The following TRAF3IP3 variants were observed in gnomAD, a reference collection of about 807,000 sequenced individuals.
The protein encoded by TRAF3IP3 is TRAF3-interacting JNK-activating modulator.
In TRAF3IP3, 64 loss-of-function variants were observed where a neutral mutation model predicts 86.5. That is an observed-to-expected ratio of 0.74 (90% CI 0.60 to 0.91). TRAF3IP3 has a LOEUF of 0.91. Among genes scored for constraint, TRAF3IP3 ranks in the 40% least tolerant of loss-of-function variants. The pLI, the probability that TRAF3IP3 is intolerant of heterozygous loss-of-function variation, is 0.00. For missense variants in TRAF3IP3, 579 were observed against 642.9 expected, an observed-to-expected ratio of 0.90 and a Z score of 1.07; for synonymous variants, 220 against 243.9, an observed-to-expected ratio of 0.90 and a Z score of 0.91.
At chr1:209,760,437 A>G in intron 3 of TRAF3IP3, 53 bp downstream of exon 3, 2 of 1,459,518 alleles carry the variant, frequency 1.4e-6, no homozygotes, top group South Asian at 1.3e-5. Flanking sequence ...CTCTCTGGAC[A>G]AGGAGGGTGG....
chr1:209,768,544 A>T, intron 8 of TRAF3IP3: 1 of 985,582 alleles, frequency 1.0e-6, no homozygotes, highest in Non-Finnish European at 1.2e-6. Context: ...ACTAGAGCAG[A>T]GAGATGAGCT....
At chr1:209,761,784 A>G (rs1424875053) in intron 3 of TRAF3IP3, among the ~76,000 whole-genome samples, 1 of 152,238 alleles carries the variant, frequency 6.6e-6, no homozygotes, top group South Asian at 2.1e-4. Flanking sequence ...TGGGATCTGA[A>G]CCCAGATCCC....
At chr1:209,762,699 A>C in intron 4 of TRAF3IP3, 37 bp downstream of exon 4, 1 of 1,230,390 alleles carries the variant, frequency 8.1e-7, no homozygotes, top group East Asian at 3.1e-5. Flanking sequence ...CAGGGCCTGC[A>C]GAGAATCCTG....
At chr1:209,758,113 G>A (rs945303342) in intron 1 of TRAF3IP3, among the ~76,000 whole-genome samples, 1 of 152,092 alleles carries the variant, frequency 6.6e-6, no homozygotes, top group African/African-American at 2.4e-5. Context: ...ATAATCCTGC[G>A]TCTCCTCCAT....
chr1:209,777,882 T>G (rs1376458152), intron 12 of TRAF3IP3: 4 of 587,554 alleles, frequency 6.8e-6, no homozygotes, highest in Non-Finnish European at 1.2e-5. Flanking sequence ...GACTAGATAG[T>G]GTGTAAACAC....
At chr1:209,763,773 G>A (rs1376864229) in intron 8 of TRAF3IP3, among the ~76,000 whole-genome samples, 186 bp downstream of exon 8, 1 of 152,116 alleles carries the variant, frequency 6.6e-6, no homozygotes, top group Non-Finnish European at 1.5e-5. Flanking sequence ...ATAAATATAT[G>A]GGTCATCACC....
At chr1:209,777,934 G>A (rs988639197) in intron 12 of TRAF3IP3, 177 bp from the exon 13 acceptor site, 1 of 615,090 alleles carries the variant, frequency 1.6e-6, no homozygotes, top group African/African-American at 1.9e-5. Context: ...ACAAAAACCT[G>A]AGGTACTTGG....
At chr1:209,779,764 A>T in intron 14 of TRAF3IP3, 2 of 512,240 alleles carry the variant, frequency 3.9e-6, no homozygotes, top group Non-Finnish European at 3.5e-6. Context: ...TAGAGAGTCT[A>T]CTGTCCATGT....
Position 209,775,356 on chromosome 1 carries a change from C to A in TRAF3IP3, c.782C>A (p.Ser261Tyr), listed in dbSNP as rs755767725. ...NQLYTCTQKY[S>Y]PWGMKKVLLE... ...ATTGCATCAAATTTACAGAAATACT[C>A]CCCTTGGGGAATGAAAAAAGTACTA... is the stretch of plus-strand genomic sequence containing the variant. Residue 261 changes from serine to tyrosine, a missense_variant, in exon 10 of 17, where the codon TCC becomes TAC. Transcript: ENST00000367025. 32 of 1,611,698 alleles carry A rather than the reference C, an allele frequency of 2.0e-5. No homozygotes were observed. The highest frequency in any genetic ancestry group is 2.7e-5 in the Non-Finnish European group (32 of 1,178,778).
intron 1 of TRAF3IP3, among the ~76,000 whole-genome samples, chr1:209,758,174 T>A (rs2077185596): frequency 6.6e-6 from 1 of 152,132 alleles, no homozygotes; most frequent in Non-Finnish European, 1.5e-5. Context: ...TTCTTTTAAG[T>A]CTTTAAATAA....
intron 8 of TRAF3IP3, among the ~76,000 whole-genome samples, chr1:209,770,691 G>GTGC: frequency 7.0e-6 from 1 of 143,704 alleles, no homozygotes; most frequent in African/African-American, 2.6e-5. Context: ...GTGTGTGTGT[G>GTGC]CATGTGGAGG....
chr1:209,770,054 G>A (rs1450608309), intron 8 of TRAF3IP3, among the ~76,000 whole-genome samples: 3 of 152,180 alleles, frequency 2.0e-5, no homozygotes, highest in Non-Finnish European at 4.4e-5. Context: ...CTACTAAGCT[G>A]AAATACTGAA....
chr1:209,765,815 G>A (rs2077346792), intron 8 of TRAF3IP3, among the ~76,000 whole-genome samples: 2 of 152,108 alleles, frequency 1.3e-5, no homozygotes, highest in African/African-American at 2.4e-5. Flanking sequence ...CAATCTATTG[G>A]TTTAAACATA....
At chr1:209,778,445 G>A in intron 13 of TRAF3IP3, 1 of 430,344 alleles carries the variant, frequency 2.3e-6, no homozygotes. Context: ...TTAAATACTG[G>A]GTTTCCTAAA....
chr1:209,768,352 C>A, intron 8 of TRAF3IP3: 1 of 985,472 alleles, frequency 1.0e-6, no homozygotes, highest in Non-Finnish European at 1.2e-6. Context: ...ACTATTGAGA[C>A]TCCTGAGGAG....
At chr1:209,778,349 G>C (rs2077703297) in intron 13 of TRAF3IP3, 176 bp downstream of exon 13, 1 of 529,334 alleles carries the variant, frequency 1.9e-6, no homozygotes, top group Admixed American at 3.8e-5. Flanking sequence ...CATAAATTAT[G>C]TGTTAGCCTC....
intron 1 of TRAF3IP3, chr1:209,758,580 T>C (rs2077193333): frequency 6.6e-6 from 1 of 152,154 alleles, no homozygotes; most frequent in East Asian, 1.9e-4. Flanking sequence ...GTTTGGCCTA[T>C]AAATAAACCC....
Position 209,779,386 on chromosome 1 carries a change from T to C in TRAF3IP3, c.1312+12T>C. The C allele has an allele frequency of 6.2e-7, 1 of 1,610,454 alleles. No homozygotes were observed. The highest frequency in any genetic ancestry group is 8.5e-7 in the Non-Finnish European group (1 of 1,176,620). On this transcript the variant is annotated intron_variant, in intron 14 of 16. Transcript: ENST00000367025. ...CTTAACAAAGAAAGGTCAGCAAATT[T>C]ATTACCACAAATTCTAAGATATTGC...
chr1:209,764,878 A>C (rs2077312302), intron 8 of TRAF3IP3, among the ~76,000 whole-genome samples: 1 of 152,034 alleles, frequency 6.6e-6, no homozygotes, highest in Non-Finnish European at 1.5e-5. Context: ...ACCATACTAG[A>C]AATTAAAACA....
Sources: allele counts gnomAD v4.1 joint callset (sites outside exome capture counted in the v4.1 genomes callset), GRCh38; gene constraint gnomAD v4.1.1; transcripts MANE v1.5; gene names NCBI Gene and HGNC (gene_info 2026-07-23, HGNC 2026-07-21).